The following MYL2 variants were observed in gnomAD, a reference collection of about 807,000 sequenced individuals.
MYL2 encodes the protein myosin regulatory light chain 2, ventricular/cardiac muscle isoform.
MYL2 carries 19 observed loss-of-function variants against 23.0 expected under a neutral mutation model. The ratio of observed to expected loss-of-function variants is 0.83; its 90% CI spans 0.58 to 1.21. The LOEUF is 1.21. MYL2 is among the 50% of genes most tolerant of loss of function. The pLI is 0.00. For synonymous variants in MYL2, 78 were observed against 76.2 expected (o/e 1.02, Z -0.13); for missense variants, 180 against 215.1 (o/e 0.84, Z 1.02).
intron 2 of MYL2, among the ~76,000 whole-genome samples, chr12:110,917,492 C>A (rs1836822369): frequency 6.8e-6 from 1 of 146,204 alleles, no homozygotes; most frequent in Non-Finnish European, 1.5e-5. Flanking sequence ...TTTACTCAGA[C>A]AAACAAACAA....
intron 6 of MYL2, among the ~76,000 whole-genome samples, chr12:110,912,298 GA>G (rs879354014): frequency 3.4e-3 from 483 of 143,878 alleles, no homozygotes; most frequent in African/African-American, 8.9e-3. Flanking sequence ...CACCTGAGTT[GA>G]AAAAAAAAAA....
chr12:110,915,580 C>A, intron 3 of MYL2, 135 bp downstream of exon 3: 1 of 895,846 alleles, frequency 1.1e-6, no homozygotes, highest in South Asian at 1.3e-5. Flanking sequence ...TGAAATTTGT[C>A]TTAAAGACCA....
chr12:110,912,391 A>C (rs1566147906), intron 6 of MYL2, among the ~76,000 whole-genome samples: 1 of 152,202 alleles, frequency 6.6e-6, no homozygotes, highest in African/African-American at 2.4e-5. Context: ...TGAAACTGAC[A>C]TTTAGAAGAA....
chr12:110,911,429 C>T (rs921431143), intron 6 of MYL2, among the ~76,000 whole-genome samples: 5 of 152,222 alleles, frequency 3.3e-5, no homozygotes, highest in Admixed American at 6.5e-5. Context: ...ACGGCCATCT[C>T]GCCCAACTTG....
rs199474816 is a variant in MYL2 at position 110,919,139 on chromosome 12, T to C, written c.58A>G (p.Met20Val). 3.1e-6 allele frequency: 5 copies of C among 1,613,824 alleles called. No homozygotes were observed. The highest frequency in any genetic ancestry group is 2.2e-5 in the East Asian group (1 of 44,898). Reference sequence around the variant, plus strand: ...TCCTGGATTTGGGTCTGTTCGAACATGGAGAACACGTTGGAGTTGGCGCCC... The same window carrying C: ...TCCTGGATTTGGGTCTGTTCGAACACGGAGAACACGTTGGAGTTGGCGCCC... ...AGGANSNVFS[M>V]FEQTQIQEFK... The change falls in exon 2 of 7, where the codon ATG becomes GTG. Residue 20 changes from methionine (M) to valine (V), a missense_variant. Physicochemically the swap from Met to Val is conservative, Grantham distance 21. Transcript: ENST00000228841.
chr12:110,919,025 G>T, intron 2 of MYL2, 79 bp downstream of exon 2: 1 of 1,353,458 alleles, frequency 7.4e-7, no homozygotes. Flanking sequence ...GGTCCCTGCT[G>T]GGAATATGGA....
At chr12:110,915,666 G>A in intron 3 of MYL2, 49 bp downstream of exon 3, 1 of 1,566,188 alleles carries the variant, frequency 6.4e-7, no homozygotes, top group Middle Eastern at 1.7e-4. Flanking sequence ...TGCTCCTCAT[G>A]GATGTGAGAT....
rs727505065 is a variant in MYL2, at chr12:110,911,098, G to A, written c.480C>T (p.Thr160=). Reference sequence around the variant, plus strand: ...CCTCCTAGTCCTTCTCTTCTCCGTGGGTGATGATGTGCACCAGGTTCTTGT... The same window carrying A: ...CCTCCTAGTCCTTCTCTTCTCCGTGAGTGATGATGTGCACCAGGTTCTTGT... ...LDYKNLVHII[T]HGEEKD is the part of the protein sequence containing the mutation. Residue 160 remains threonine, a synonymous_variant, in exon 7 of 7, where the codon ACC becomes ACT. Coordinates refer to ENST00000228841, the MANE Select transcript of MYL2 (RefSeq NM_000432.4). 5 of 1,614,084 alleles carry A rather than the reference G, an allele frequency of 3.1e-6. No individual in the cohort carries two copies. In the South Asian group the frequency reaches 5.5e-5, roughly 18 times the overall value.
intron 2 of MYL2, among the ~76,000 whole-genome samples, chr12:110,916,528 G>A (rs1338258840): frequency 1.3e-5 from 2 of 152,182 alleles, no homozygotes; most frequent in African/African-American, 4.8e-5. Context: ...TTACAACATG[G>A]ATGAGCCTTA....
chr12:110,917,605 G>C (rs767977145), intron 2 of MYL2, among the ~76,000 whole-genome samples: 1 of 152,218 alleles, frequency 6.6e-6, no homozygotes, highest in Non-Finnish European at 1.5e-5. Flanking sequence ...CAGAGGCTGG[G>C]AAAAGAGGCG....
intron 2 of MYL2, 138 bp from the exon 3 acceptor site, chr12:110,915,928 A>G (rs2071685450): frequency 5.1e-6 from 4 of 779,678 alleles, no homozygotes. Context: ...AAAGTCAACA[A>G]TTGAAGATAA....
chr12:110,915,454 T>TC (rs1566149238), intron 3 of MYL2, among the ~76,000 whole-genome samples: 1 of 152,188 alleles, frequency 6.6e-6, no homozygotes, highest in Non-Finnish European at 1.5e-5. Context: ...CTGCATTTTT[T>TC]CCCCATTTTC....
Position 110,918,573 on chromosome 12 carries a change from C to A in MYL2, c.93+531G>T, listed in dbSNP as rs575437980. Reference sequence around the variant, plus strand: ...AGTTCTGCTTTTAGGAATTTACCCCCAAGAAATAACCAGAGATACAAGCAA... The same window carrying A: ...AGTTCTGCTTTTAGGAATTTACCCCAAAGAAATAACCAGAGATACAAGCAA... On this transcript the variant is annotated intron_variant, in intron 2 of 6. Transcript: ENST00000228841. This position sits in a 1 kb window ranked among gnomAD's most constrained non-coding sequence, Gnocchi z 4.4. Among the ~76,000 whole-genome samples the A allele has an allele frequency of 1.7e-4, 26 of 151,974 alleles. No individual in the cohort carries two copies. In the East Asian group the frequency reaches 5.0e-3, roughly 29 times the overall value.
chr12:110,916,979 G>A (rs1461423152), intron 2 of MYL2, among the ~76,000 whole-genome samples: 1 of 152,064 alleles, frequency 6.6e-6, no homozygotes, highest in Non-Finnish European at 1.5e-5. Context: ...CTCCCGAGTA[G>A]CTGGGAGTAT....
At position 110,918,162 on chromosome 12, in the gene MYL2, G is replaced by A. The variant is rs115312881; in HGVS notation, c.93+942C>T. ...CCTCTGGAAAGCCAGGTGGGAATGTGGATGAGTCAGTGTGAGCCCTCGCAA... is the reference window on the plus strand; with the variant it reads ...CCTCTGGAAAGCCAGGTGGGAATGTAGATGAGTCAGTGTGAGCCCTCGCAA... On this transcript the variant is annotated intron_variant, in intron 2 of 6. Coordinates refer to ENST00000228841, the MANE Select transcript of MYL2 (RefSeq NM_000432.4). This position sits in a 1 kb window ranked among gnomAD's most constrained non-coding sequence, Gnocchi z 4.4. Among the ~76,000 whole-genome samples, 366 of 152,284 alleles carry A rather than the reference G, an allele frequency of 2.4e-3. 1 individual carries two copies. The highest frequency in any genetic ancestry group is 8.1e-3 in the African/African-American group (338 of 41,560).
intron 2 of MYL2, among the ~76,000 whole-genome samples, chr12:110,917,807 G>A (rs1363420642): frequency 6.6e-6 from 1 of 152,126 alleles, no homozygotes; most frequent in Non-Finnish European, 1.5e-5. Context: ...ACTAGGGCAG[G>A]GTGTAGTGGC....
At chr12:110,913,746 TTTTTGTTTTG>T (rs1004689856) in intron 4 of MYL2, among the ~76,000 whole-genome samples, 110 of 152,222 alleles carry the variant, frequency 7.2e-4, no homozygotes, top group African/African-American at 2.5e-3. Context: ...AGTTGCTGTG[TTTTTGTTTTG>T]TTTTGTTTTG....
At chr12:110,919,683 T>C (rs1249514800) in intron 1 of MYL2, among the ~76,000 whole-genome samples, 1 of 152,138 alleles carries the variant, frequency 6.6e-6, no homozygotes, top group East Asian at 1.9e-4. Context: ...CCCCACAATT[T>C]TCCCTTGCTC....
At chr12:110,912,409 G>A (rs918019877) in intron 6 of MYL2, among the ~76,000 whole-genome samples, 4 of 152,242 alleles carry the variant, frequency 2.6e-5, no homozygotes, top group African/African-American at 9.6e-5. Flanking sequence ...GAATTGTTCA[G>A]TGCACAACTC....
Sources: gnomAD v4.1 joint callset for allele counts (sites outside exome capture counted in the v4.1 genomes callset) on GRCh38, gnomAD v4.1.1 for gene constraint, Gnocchi (gnomAD v3.1) non-coding constraint, MANE v1.5 for transcripts, NCBI Gene and HGNC (gene_info 2026-07-23, HGNC 2026-07-21) for gene names.